The following SLC8A1 variants were observed in gnomAD, a reference collection of about 807,000 sequenced individuals.
SLC8A1 encodes solute carrier family 8 member A1.
A neutral mutation model predicts 68.3 loss-of-function variants in SLC8A1; 18 were observed. The ratio of observed to expected loss-of-function variants is 0.26; its 90% CI spans 0.18 to 0.39. The LOEUF (loss-of-function observed/expected upper bound fraction) is 0.39, where lower values mean the gene tolerates loss of function less well. Among genes scored for constraint, SLC8A1 ranks in the 10% least tolerant of loss-of-function variants. The pLI is 1.00. For missense variants in SLC8A1, 985 were observed against 1,156.7 expected (o/e 0.85, Z 2.15); for synonymous variants, 475 against 415.5 (o/e 1.14, Z -1.74).
chr2:40,156,746 C>T (rs1411267704), intron 6 of SLC8A1, among the ~76,000 whole-genome samples: 1 of 151,884 alleles, frequency 6.6e-6, no homozygotes, highest in Non-Finnish European at 1.5e-5. Flanking sequence ...ATATAATGTG[C>T]ATGTCTATGT....
intron 2 of SLC8A1, among the ~76,000 whole-genome samples, chr2:40,411,501 GAACTA>G (rs1321761399): frequency 6.6e-6 from 1 of 151,730 alleles, no homozygotes; most frequent in Non-Finnish European, 1.5e-5. Context: ...TTAGCCTAAA[GAACTA>G]ATCTAAAATG....
At chr2:40,122,549 A>C (rs2037143071) in intron 7 of SLC8A1, among the ~76,000 whole-genome samples, 1 of 152,154 alleles carries the variant, frequency 6.6e-6, no homozygotes, top group Non-Finnish European at 1.5e-5. Flanking sequence ...CCCAGCTACA[A>C]ATGAGAGTCA....
chr2:40,503,646 T>A (rs1207085185), intron 1 of SLC8A1, among the ~76,000 whole-genome samples: 1 of 151,976 alleles, frequency 6.6e-6, no homozygotes, highest in Non-Finnish European at 1.5e-5. Context: ...TTTAGTAGCA[T>A]TTCCATATGC....
chr2:40,174,583 A>G, intron 4 of SLC8A1, 123 bp downstream of exon 6: 1 of 937,796 alleles, frequency 1.1e-6, no homozygotes, highest in Non-Finnish European at 1.6e-6. Context: ...AATGTGTAAA[A>G]CCAGCAAGAG....
chr2:40,379,356 ATGACT>A (rs1680965274), intron 2 of SLC8A1, among the ~76,000 whole-genome samples: 1 of 152,106 alleles, frequency 6.6e-6, no homozygotes, highest in Non-Finnish European at 1.5e-5. Context: ...GCTAATGTAG[ATGACT>A]TGAATTCTTT....
intron 2 of SLC8A1, among the ~76,000 whole-genome samples, chr2:40,323,294 T>C (rs894062592): frequency 1.3e-5 from 2 of 152,158 alleles, no homozygotes; most frequent in African/African-American, 4.8e-5. Flanking sequence ...CTTTCATAAT[T>C]TGATATACAA....
chr2:40,214,928 T>C (rs1409050522), intron 2 of SLC8A1, among the ~76,000 whole-genome samples: 1 of 152,204 alleles, frequency 6.6e-6, no homozygotes, highest in Non-Finnish European at 1.5e-5. Flanking sequence ...TCTATGGATA[T>C]GTCAATGATT....
At chr2:40,453,635 CA>C (rs1213394793), upstream of SLC8A1, among the ~76,000 whole-genome samples, 2 of 152,202 alleles carry the variant, frequency 1.3e-5, no homozygotes, top group African/African-American at 4.8e-5. Flanking sequence ...AGGTGGGCCC[CA>C]GACAGCCTTA....
At chr2:40,297,054 T>A (rs1318953514) in intron 2 of SLC8A1, among the ~76,000 whole-genome samples, 1 of 152,164 alleles carries the variant, frequency 6.6e-6, no homozygotes, top group Non-Finnish European at 1.5e-5. Flanking sequence ...CTTACATGTC[T>A]TGGTGAACTG....
At chr2:40,312,057 C>T (rs2149308940) in intron 2 of SLC8A1, among the ~76,000 whole-genome samples, 1 of 152,160 alleles carries the variant, frequency 6.6e-6, no homozygotes, top group East Asian at 1.9e-4. Flanking sequence ...CATCTTCTCC[C>T]TAGGCTAGAC....
chr2:40,164,649 G>A (rs1005213), intron 5 of SLC8A1, among the ~76,000 whole-genome samples: 3 of 151,902 alleles, frequency 2.0e-5, no homozygotes, highest in Non-Finnish European at 2.9e-5. Context: ...GCCCTGGTTC[G>A]GATGCTGTTT....
At chr2:40,442,792 G>A (rs1172392132) in intron 1 of SLC8A1, among the ~76,000 whole-genome samples, 1 of 152,130 alleles carries the variant, frequency 6.6e-6, no homozygotes, top group African/African-American at 2.4e-5. Flanking sequence ...CTACTATAAA[G>A]ACACATGTAC....
chr2:40,507,700 T>G (rs1241703204), intron 1 of SLC8A1, among the ~76,000 whole-genome samples: 1 of 152,098 alleles, frequency 6.6e-6, no homozygotes, highest in African/African-American at 2.4e-5. Context: ...CTTTTCTGTG[T>G]GTCAGTGTTT....
chr2:40,189,730 G>C (rs915336154), intron 2 of SLC8A1: 1 of 152,092 alleles, frequency 6.6e-6, no homozygotes, highest in South Asian at 2.1e-4. Flanking sequence ...AAAATGTTTT[G>C]TTTTAGCTTT....
chr2:40,259,899 C>T (rs988095724), intron 2 of SLC8A1, among the ~76,000 whole-genome samples: 3 of 152,114 alleles, frequency 2.0e-5, no homozygotes, highest in African/African-American at 7.2e-5. Context: ...ATGTTTACTG[C>T]TCGCTGCACA....
intron 2 of SLC8A1, among the ~76,000 whole-genome samples, chr2:40,285,614 C>T (rs999525240): frequency 3.3e-5 from 5 of 152,108 alleles, no homozygotes; most frequent in African/African-American, 9.7e-5. Context: ...AGTGTTTACA[C>T]ATGAGATAAT....
At chr2:40,397,471 T>G (rs1443125893) in intron 2 of SLC8A1, among the ~76,000 whole-genome samples, 1 of 152,194 alleles carries the variant, frequency 6.6e-6, no homozygotes, top group Non-Finnish European at 1.5e-5. Flanking sequence ...AAATCCATTT[T>G]CACAGGTGGG....
chr2:40,175,363 A>G, intron 3 of SLC8A1, 82 bp from the exon 4 acceptor site: 1 of 1,413,306 alleles, frequency 7.1e-7, no homozygotes. Flanking sequence ...AGCAGAAAGA[A>G]ATCCAGGCAG....
chr2:40,353,939 G>C (rs79182825), intron 2 of SLC8A1, among the ~76,000 whole-genome samples: 4 of 152,106 alleles, frequency 2.6e-5, no homozygotes, highest in African/African-American at 4.8e-5. Flanking sequence ...TTGAATAAGC[G>C]TACCATTTTA....
Sources: gnomAD v4.1 joint callset for allele counts (sites outside exome capture counted in the v4.1 genomes callset) on GRCh38, gnomAD v4.1.1 for gene constraint, MANE v1.5 for transcripts, NCBI Gene and HGNC (gene_info 2026-07-23, HGNC 2026-07-21) for gene names.